The following TFAP2B variants were observed in gnomAD, a reference collection of about 807,000 sequenced individuals.
TFAP2B encodes the protein transcription factor AP-2 beta.
Under a neutral mutation model 44.3 loss-of-function variants are expected in TFAP2B, and 9 were observed. The ratio of observed to expected loss-of-function variants is 0.20; its 90% CI spans 0.12 to 0.35. The LOEUF is 0.35. TFAP2B is among the 10% of genes least tolerant of loss of function. The pLI is 1.00. For synonymous variants in TFAP2B, 270 were observed against 263.8 expected (o/e 1.02, Z -0.23); for missense variants, 509 against 600.0 (o/e 0.85, Z 1.59).
Position 50,818,917 on chromosome 6 carries a change from C to T in TFAP2B, c.26C>T (p.Ala9Val). The part of the protein sequence containing the change: MHSPPRDQ[A>V]AIMLWKLVEN... ...ATGCACTCACCTCCTAGAGACCAGGCTGCCATCATGCTCTGGAAGCTTGTG... is the reference window on the plus strand; with the variant it reads ...ATGCACTCACCTCCTAGAGACCAGGTTGCCATCATGCTCTGGAAGCTTGTG... Residue 9 changes from alanine to valine, a missense_variant, in exon 1 of 7, where the codon GCT becomes GTT. Coordinates refer to ENST00000393655, the MANE Select transcript of TFAP2B (RefSeq NM_003221.4). 1.2e-6 allele frequency: 2 copies of T among 1,614,130 alleles called. No homozygotes were observed. The highest frequency in any genetic ancestry group is 1.1e-5 in the South Asian group (1 of 91,074).
chr6:50,846,749 G>A lies in TFAP2B; in HGVS notation c.*3357G>A, dbSNP rs964880203. The stretch of plus-strand genomic sequence containing the variant: ...ATCTTTAACTTCTCCCCCAAAGTGG[G>A]AAGGTAACTTTCTCCCCCTTTTCCC... On this transcript the variant is annotated 3_prime_UTR_variant, in exon 7 of 7. Transcript: ENST00000393655. The A allele has an allele frequency of 1.3e-5, 2 of 152,368 alleles. No individual in the cohort carries two copies. The highest frequency in any genetic ancestry group is 4.8e-5 in the African/African-American group (2 of 41,442). 9.4% of individuals were successfully genotyped at this position (152,368 alleles called of 1,614,324 possible).
chr6:50,840,954 C>A (rs577065334), intron 6 of TFAP2B, among the ~76,000 whole-genome samples: 3 of 152,230 alleles, frequency 2.0e-5, no homozygotes, highest in Admixed American at 2.0e-4. Flanking sequence ...TGCGCCCGCA[C>A]GTTTCTCTTG....
chr6:50,819,294 C>T (rs757736817), intron 1 of TFAP2B, among the ~76,000 whole-genome samples: 108 of 150,846 alleles, frequency 7.2e-4, no homozygotes, highest in Non-Finnish European at 8.2e-4. Flanking sequence ...TGTGGGCACG[C>T]TCTCAGAGAA....
intron 1 of TFAP2B, among the ~76,000 whole-genome samples, chr6:50,820,628 C>A (rs1770316353): frequency 6.6e-6 from 1 of 152,262 alleles, no homozygotes; most frequent in Non-Finnish European, 1.5e-5. Flanking sequence ...TTCGGTTCGG[C>A]CTCCTTTTCT....
At chr6:50,819,017 G>C (rs749361543) in intron 1 of TFAP2B, 45 bp downstream of exon 1, 1 of 1,550,418 alleles carries the variant, frequency 6.4e-7, no homozygotes, top group South Asian at 1.1e-5. Context: ...TGCAGATAGA[G>C]AATTTGAGCT....
In TFAP2B at chr6:50,843,276, G is replaced by C. The variant is rs886061567; in HGVS notation, c.1267G>C (p.Glu423Gln). 20 of 1,614,202 alleles carry C rather than the reference G, an allele frequency of 1.2e-5. No individual in the cohort carries two copies. Among genetic ancestry groups the C allele is most frequent in the East Asian group, 2.2e-5 (1 of 44,862 alleles). Residue 423 changes from glutamate to glutamine, a missense_variant, in exon 7 of 7, where the codon GAG becomes CAG. Around this residue, in one of 3 missense-constraint regions of TFAP2B, gnomAD observed 168 missense variants for 183.2 expected, o/e 0.92. Transcript: ENST00000393655. Reference sequence around the variant, plus strand: ...CACGGCCCTGCAGAACTATCTCACCGAGGCGCTCAAAGGCATGGACAAGAT... The same window carrying C: ...CACGGCCCTGCAGAACTATCTCACCCAGGCGCTCAAAGGCATGGACAAGAT... ...ALTALQNYLT[E>Q]ALKGMDKMFL...
rs1243870766 is a variant in TFAP2B, at chr6:50,826,576, CGCGCGCGCGCGT to C, written c.541-2041_541-2030del. On this transcript the variant is annotated intron_variant, in intron 2 of 6. Coordinates refer to ENST00000393655, the MANE Select transcript of TFAP2B (RefSeq NM_003221.4). ...CACCCATTGTGCATGAGCGCGCGCGCGCGCGCGCGCGTGTGTGTGTGTGTCTAGTTGGGGAGG... is the reference window on the plus strand; with the variant it reads ...CACCCATTGTGCATGAGCGCGCGCGCGTGTGTGTGTGTCTAGTTGGGGAGG... 7.7e-5 allele frequency among the ~76,000 whole-genome samples: 11 copies of C among 143,760 alleles called. No homozygotes were observed. The South Asian group carries it at 1.1e-3, about 15-fold the overall frequency. The allele number at this position is 143,760 out of a possible 152,430, so 94.3% of individuals were successfully genotyped here.
chr6:50,822,024 G>C (rs1770365343), intron 1 of TFAP2B: 1 of 580,524 alleles, frequency 1.7e-6, no homozygotes, highest in African/African-American at 2.0e-5. Context: ...GCTTGTCCTG[G>C]AAACACATCA....
intron 1 of TFAP2B, among the ~76,000 whole-genome samples, chr6:50,822,570 G>A (rs1438074600): frequency 6.6e-6 from 1 of 152,020 alleles, no homozygotes; most frequent in East Asian, 1.9e-4. Context: ...CTCCAGATAG[G>A]ACCAGGAATA....
chr6:50,841,766 A>T (rs1762738103), intron 6 of TFAP2B, among the ~76,000 whole-genome samples: 1 of 152,152 alleles, frequency 6.6e-6, no homozygotes, highest in Admixed American at 6.5e-5. Flanking sequence ...AAGAGCTTAA[A>T]AACTGCCCCA....
intron 5 of TFAP2B, among the ~76,000 whole-genome samples, chr6:50,838,680 T>C (rs780474774): frequency 3.3e-5 from 5 of 152,204 alleles, no homozygotes; most frequent in Non-Finnish European, 5.9e-5. Flanking sequence ...TCATCAATTG[T>C]GAATTATAGG....
rs1762861086 is a variant in TFAP2B, at chr6:50,846,873, G to A, written c.*3481G>A. On this transcript the variant is annotated 3_prime_UTR_variant, in exon 7 of 7. Transcript: ENST00000393655. ...TTCCTCCATCCCCACTTAAAGAACC[G>A]AAGAGGCTTTTAAAGACCTGGCTGC... The A allele has an allele frequency of 6.6e-6, 1 of 152,422 alleles. No homozygotes were observed. The highest frequency in any genetic ancestry group is 1.5e-5 in the Non-Finnish European group (1 of 68,030). The allele number at this position is 152,422 out of a possible 1,614,324, so 9.4% of individuals were successfully genotyped here.
At chr6:50,834,129 A>T (rs902803112) in intron 3 of TFAP2B, among the ~76,000 whole-genome samples, 4 of 152,224 alleles carry the variant, frequency 2.6e-5, no homozygotes, top group African/African-American at 9.7e-5. Context: ...AGAGTAAGAT[A>T]GACTGAAATA....
At chr6:50,828,548 A>ATTT (rs1770588233) in intron 2 of TFAP2B, 71 bp from the exon 3 acceptor site, 10 of 1,376,882 alleles carry the variant, frequency 7.3e-6, no homozygotes, top group African/African-American at 1.4e-5. Context: ...TCCAGTTTGG[A>ATTT]ATAACATGAT....
chr6:50,832,105 A>G (rs546005443), intron 3 of TFAP2B, among the ~76,000 whole-genome samples: 11 of 152,324 alleles, frequency 7.2e-5, no homozygotes, highest in Non-Finnish European at 1.5e-4. Context: ...AGAGTCTGTC[A>G]GAGTCTCTGA....
At chr6:50,822,150 A>G in intron 1 of TFAP2B, 3 of 1,303,372 alleles carry the variant, frequency 2.3e-6, no homozygotes, top group South Asian at 2.5e-5. Flanking sequence ...GTCCACACCT[A>G]TTCATCCATG....
At chr6:50,818,790 G>A, upstream of TFAP2B, 1 of 1,031,664 alleles carries the variant, frequency 9.7e-7, no homozygotes, top group Non-Finnish European at 1.5e-6. Context: ...GTTGCGATGG[G>A]AGAGGAGCGT....
intron 2 of TFAP2B, among the ~76,000 whole-genome samples, chr6:50,824,831 T>C (rs1250798662): frequency 1.3e-5 from 2 of 152,250 alleles, no homozygotes; most frequent in East Asian, 1.9e-4. Flanking sequence ...TAAAAACTGT[T>C]TGGGTGATTC....
Position 50,843,527 on chromosome 6 carries a change from TTAA to T in TFAP2B, c.*136_*138del, listed in dbSNP as rs1737081105. On this transcript the variant is annotated 3_prime_UTR_variant, in exon 7 of 7. Coordinates refer to ENST00000393655, the MANE Select transcript of TFAP2B (RefSeq NM_003221.4). ...GTAGAATACACATACAATCAAAATTTTAAAAAAAAAAGCTAAATAACTTAAAAA... is the reference window on the plus strand; with the variant it reads ...GTAGAATACACATACAATCAAAATTTAAAAAAAAGCTAAATAACTTAAAAA... 1 of 830,660 alleles carries T rather than the reference TTAA, an allele frequency of 1.2e-6. No homozygotes were observed. The highest frequency in any genetic ancestry group is 2.2e-5 in the South Asian group (1 of 44,812). The allele number at this position is 830,660 out of a possible 1,614,324, so 51.5% of individuals were successfully genotyped here.
Sources: allele counts gnomAD v4.1 joint callset (sites outside exome capture counted in the v4.1 genomes callset), GRCh38; gene constraint gnomAD v4.1.1; regional missense constraint gnomAD v4.1.1; transcripts MANE v1.5; gene names NCBI Gene and HGNC (gene_info 2026-07-23, HGNC 2026-07-21).